Variants in TANC1 observed in about 807,000 individuals in gnomAD.
TANC1 encodes protein TANC1.
TANC1 carries 77 observed loss-of-function variants against 149.7 expected under a neutral mutation model. The observed-to-expected ratio is 0.51, with a 90% CI of 0.43 to 0.62. The LOEUF is 0.62. TANC1 is among the 20% of genes least tolerant of loss of function. The pLI is 0.00. For synonymous variants in TANC1, 854 were observed against 925.0 expected (o/e 0.92, Z 1.39); for missense variants, 1,985 against 2,321.8 (o/e 0.85, Z 2.98).
chr2:159,127,717 G>A (rs1296913863), intron 4 of TANC1, among the ~76,000 whole-genome samples: 7 of 152,284 alleles, frequency 4.6e-5, no homozygotes, highest in East Asian at 3.9e-4. Flanking sequence ...GTCAGGGCAC[G>A]GGGGGAGGGA....
At chr2:159,227,747 G>A in intron 24 of TANC1, 72 bp from the exon 25 acceptor site, 1 of 1,549,488 alleles carries the variant, frequency 6.5e-7, no homozygotes, top group Non-Finnish European at 8.8e-7. Flanking sequence ...TCCCCACGGT[G>A]TTCCAGGTGT....
intron 4 of TANC1, among the ~76,000 whole-genome samples, chr2:159,100,929 C>T (rs1311916804): frequency 2.0e-5 from 3 of 152,026 alleles, no homozygotes; most frequent in Non-Finnish European, 4.4e-5. Flanking sequence ...TAAAAAGACT[C>T]ATCTATTTTA....
intron 1 of TANC1, among the ~76,000 whole-genome samples, chr2:158,972,350 C>G (rs944224947): frequency 7.2e-5 from 11 of 152,122 alleles, no homozygotes; most frequent in Non-Finnish European, 1.6e-4. Context: ...TTGGTGTCAT[C>G]ATTCTTGGAC....
chr2:159,012,019 G>A (rs1406283636), intron 2 of TANC1, among the ~76,000 whole-genome samples: 1 of 152,126 alleles, frequency 6.6e-6, no homozygotes, highest in African/African-American at 2.4e-5. Context: ...CTTCTAGGAA[G>A]GGGGCTAGTG....
At chr2:159,112,663 G>A (rs536049924) in intron 4 of TANC1, among the ~76,000 whole-genome samples, 1 of 151,618 alleles carries the variant, frequency 6.6e-6, no homozygotes, top group African/African-American at 2.4e-5. Flanking sequence ...GAACTCCTGG[G>A]CTCCTGGGTG....
At chr2:159,088,553 T>G (rs2045192472) in intron 3 of TANC1, among the ~76,000 whole-genome samples, 1 of 152,176 alleles carries the variant, frequency 6.6e-6, no homozygotes, top group Non-Finnish European at 1.5e-5. Flanking sequence ...ATATATAGTA[T>G]AGAATGCCTT....
rs2036607068 is a variant in TANC1 at position 159,001,393 on chromosome 2, G to A, written c.-16+204G>A. On this transcript the variant is annotated intron_variant, in intron 2 of 26. Transcript: ENST00000263635. This position sits in a 1 kb window ranked among gnomAD's most constrained non-coding sequence, Gnocchi z 4.3. ...AGAGATAGGGGAGTTAGTGTTTAAT[G>A]AGTACAGAGTTTCAGTTGGGGAAGA... Among the ~76,000 whole-genome samples the A allele has an allele frequency of 6.6e-6, 1 of 152,234 alleles. No homozygotes were observed. Among genetic ancestry groups the A allele is most frequent in the Non-Finnish European group, 1.5e-5 (1 of 68,038 alleles).
At chr2:159,143,998 A>G (rs760353783) in intron 5 of TANC1, among the ~76,000 whole-genome samples, 3 of 151,566 alleles carry the variant, frequency 2.0e-5, no homozygotes, top group Admixed American at 6.6e-5. Context: ...GTCAATAGAC[A>G]TAACCCTCCT....
chr2:159,199,886 AG>A (rs1446523707), intron 19 of TANC1, among the ~76,000 whole-genome samples: 1 of 152,188 alleles, frequency 6.6e-6, no homozygotes, highest in Non-Finnish European at 1.5e-5. Flanking sequence ...AGCTCACCCT[AG>A]GGGAAAGCCA....
intron 3 of TANC1, 96 bp downstream of exon 3, chr2:159,066,067 CAG>C: frequency 1.1e-6 from 1 of 933,844 alleles, no homozygotes; most frequent in Middle Eastern, 2.7e-4. Flanking sequence ...GGGAGTGGGT[CAG>C]AGAGGGTTAC....
intron 4 of TANC1, among the ~76,000 whole-genome samples, chr2:159,113,895 T>C (rs183834056): frequency 6.6e-6 from 1 of 152,374 alleles, no homozygotes; most frequent in Admixed American, 6.5e-5. Context: ...GCAAATATTG[T>C]TGAAACCATG....
At chr2:159,136,092 C>A in intron 4 of TANC1, 102 bp from the exon 5 acceptor site, 3 of 696,070 alleles carry the variant, frequency 4.3e-6, no homozygotes, top group Non-Finnish European at 7.9e-6. Context: ...CTGGCTCTTC[C>A]TCTAGGCATA....
chr2:159,185,639 A>T, intron 14 of TANC1, 152 bp from the exon 15 acceptor site: 1 of 604,986 alleles, frequency 1.7e-6, no homozygotes, highest in South Asian at 2.0e-5. Context: ...GCTAGGCATT[A>T]TGACTCAGAT....
chr2:159,082,043 T>A (rs2149795057), intron 3 of TANC1, among the ~76,000 whole-genome samples: 1 of 152,334 alleles, frequency 6.6e-6, no homozygotes, highest in African/African-American at 2.4e-5. Flanking sequence ...AGCCCTGCCC[T>A]GCCCAGCCAA....
intron 19 of TANC1, among the ~76,000 whole-genome samples, chr2:159,209,879 C>CA (rs1316102021): frequency 3.3e-5 from 5 of 152,172 alleles, no homozygotes; most frequent in Admixed American, 2.0e-4. Flanking sequence ...AATTAGATGA[C>CA]ATTTGTGAGG....
intron 2 of TANC1, among the ~76,000 whole-genome samples, chr2:159,013,130 T>C (rs1447253203): frequency 1.3e-5 from 2 of 152,188 alleles, no homozygotes; most frequent in African/African-American, 4.8e-5. Context: ...CAAGGAGCAT[T>C]TGAAATATGA....
chr2:159,163,526 C>A lies in TANC1; in HGVS notation c.926C>A (p.Pro309Gln). Reference protein sequence around the residue: ...YSQGSSSLIMPRPNSVAATSS... With the variant: ...YSQGSSSLIMQRPNSVAATSS... ...CAGGGCTCCAGCTCACTAATAATGC[C>A]ACGGCCCAACTCAGTTGCAGGTAAG... Residue 309 changes from proline (P) to glutamine (Q), a missense_variant, in exon 8 of 27, where the codon CCA becomes CAA. This residue lies in a region of TANC1 where 557 missense variants were observed against 612.9 expected (regional missense o/e 0.91). Transcript: ENST00000263635. 1.2e-6 allele frequency: 2 copies of A among 1,612,500 alleles called. No homozygotes were observed. Among genetic ancestry groups the A allele is most frequent in the Non-Finnish European group, 1.7e-6 (2 of 1,179,746 alleles).
At chr2:159,226,043 GC>G in intron 24 of TANC1, 1 of 427,394 alleles carries the variant, frequency 2.3e-6, no homozygotes, top group South Asian at 2.3e-5. Context: ...TCAGCCAGGT[GC>G]CTGTAATCCC....
At chr2:159,155,140 A>G (rs1248002536) in intron 7 of TANC1, among the ~76,000 whole-genome samples, 1 of 152,206 alleles carries the variant, frequency 6.6e-6, no homozygotes, top group Non-Finnish European at 1.5e-5. Context: ...GATAAATTTA[A>G]TTTGTGTTTA....
Sources: allele counts gnomAD v4.1 joint callset (sites outside exome capture counted in the v4.1 genomes callset), GRCh38; gene constraint gnomAD v4.1.1; regional missense constraint gnomAD v4.1.1; non-coding constraint Gnocchi (gnomAD v3.1); transcripts MANE v1.5; gene names NCBI Gene and HGNC (gene_info 2026-07-23, HGNC 2026-07-21).